The following PLA2G4E variants were observed in gnomAD, a reference collection of about 807,000 sequenced individuals.
PLA2G4E encodes the protein cytosolic phospholipase A2 epsilon.
PLA2G4E carries 84 observed loss-of-function variants against 109.1 expected under a neutral mutation model. That is an observed-to-expected ratio of 0.77 (90% confidence interval 0.65 to 0.92). The LOEUF (loss-of-function observed/expected upper bound fraction) is 0.92, where lower values mean the gene tolerates loss of function less well. PLA2G4E is among the 40% of genes least tolerant of loss of function. PLA2G4E has a pLI of 0.00. For synonymous variants in PLA2G4E, 469 were observed against 436.1 expected, an observed-to-expected ratio of 1.08 and a Z score of -0.94; for missense variants, 1,057 against 1,076.6, an observed-to-expected ratio of 0.98 and a Z score of 0.25.
chr15:42,018,581 G>A (rs994172359), intron 1 of PLA2G4E, among the ~76,000 whole-genome samples: 4 of 152,140 alleles, frequency 2.6e-5, no homozygotes, highest in African/African-American at 9.7e-5. Context: ...GAACTGTTTG[G>A]CAAACAGTAC....
intron 1 of PLA2G4E, among the ~76,000 whole-genome samples, chr15:42,037,838 C>T (rs1889245351): frequency 6.6e-6 from 1 of 152,246 alleles, no homozygotes; most frequent in Non-Finnish European, 1.5e-5. Context: ...CCTGGAGCTG[C>T]CCACCTCACT....
chr15:42,048,221 C>CTA (rs1487244184), intron 1 of PLA2G4E, among the ~76,000 whole-genome samples: 2 of 152,188 alleles, frequency 1.3e-5, no homozygotes, highest in African/African-American at 2.4e-5. Flanking sequence ...GAGCAAAAGG[C>CTA]TACACCATAT....
chr15:42,002,594 C>A, intron 6 of PLA2G4E, 60 bp downstream of exon 6: 1 of 1,499,234 alleles, frequency 6.7e-7, no homozygotes. Context: ...GGTCCTGTTC[C>A]CCTGAGAGCA....
At chr15:42,020,112 C>T (rs1399627675) in intron 1 of PLA2G4E, among the ~76,000 whole-genome samples, 1 of 152,232 alleles carries the variant, frequency 6.6e-6, no homozygotes, top group Non-Finnish European at 1.5e-5. Context: ...CCACCACCCA[C>T]CACGGAGCTC....
intron 1 of PLA2G4E, among the ~76,000 whole-genome samples, chr15:42,015,630 G>A (rs1162491777): frequency 6.6e-6 from 1 of 152,236 alleles, no homozygotes; most frequent in African/African-American, 2.4e-5. Context: ...TGAATACTAG[G>A]CAGAGACAGA....
intron 4 of PLA2G4E, 61 bp downstream of exon 4, chr15:42,005,929 T>C (rs2141048265): frequency 6.4e-7 from 1 of 1,564,854 alleles, no homozygotes; most frequent in East Asian, 2.3e-5. Context: ...TTTGTGGGAA[T>C]CAGCAACAGC....
chr15:41,994,368 G>A (rs1021524834), intron 12 of PLA2G4E, among the ~76,000 whole-genome samples: 7 of 152,166 alleles, frequency 4.6e-5, no homozygotes, highest in Non-Finnish European at 7.3e-5. Context: ...TTGCTCACAC[G>A]GGGGCTACCC....
intron 2 of PLA2G4E, among the ~76,000 whole-genome samples, chr15:42,013,334 GGGCAAAGCGGGTGCTCTT>G (rs2068556195): frequency 1.3e-5 from 2 of 152,318 alleles, no homozygotes; most frequent in East Asian, 3.9e-4. Context: ...TGCTCCGTGT[GGGCAAAGCGGGTGCTCTT>G]GGAAATCGAT....
intron 1 of PLA2G4E, among the ~76,000 whole-genome samples, chr15:42,025,816 A>G (rs1436989037): frequency 1.3e-5 from 2 of 152,240 alleles, no homozygotes; most frequent in Non-Finnish European, 2.9e-5. Context: ...TGGACCATTC[A>G]TTATTGGAAA....
intron 6 of PLA2G4E, among the ~76,000 whole-genome samples, chr15:42,002,420 G>A (rs1020771492): frequency 6.6e-6 from 1 of 152,088 alleles, no homozygotes; most frequent in Non-Finnish European, 1.5e-5. Context: ...GGGATATGAA[G>A]TGCTCGGCCA....
At chr15:42,042,488 T>A (rs1008815988) in intron 1 of PLA2G4E, among the ~76,000 whole-genome samples, 1 of 152,214 alleles carries the variant, frequency 6.6e-6, no homozygotes, top group African/African-American at 2.4e-5. Flanking sequence ...ATAAAGTTGC[T>A]CTTTAAATAA....
chr15:41,987,321 G>A (rs755042730), exon 17 of PLA2G4E: 1 of 1,613,976 alleles, frequency 6.2e-7, no homozygotes, highest in South Asian at 1.1e-5. Context: ...CACTACCGTG[G>A]TCTCCAGGAT....
Position 41,983,979 on chromosome 15 carries a change from G to A in PLA2G4E, c.2387-5C>T, listed in dbSNP as rs761829110. 11 of 1,596,828 alleles carry A rather than the reference G, an allele frequency of 6.9e-6. No homozygotes were observed. The highest frequency in any genetic ancestry group is 4.5e-5 in the East Asian group (2 of 44,470). On this transcript the variant is annotated splice_region_variant and splice_polypyrimidine_tract_variant and intron_variant, in intron 19 of 19. Transcript: ENST00000399518. Reference sequence around the variant, plus strand: ...CCTCAGGGCTTCGCTCTACACCTGTGGGCAGCAGGATGACTTGTTATAGAC... The same window carrying A: ...CCTCAGGGCTTCGCTCTACACCTGTAGGCAGCAGGATGACTTGTTATAGAC...
At chr15:42,034,841 TA>T (rs1889180481) in intron 1 of PLA2G4E, among the ~76,000 whole-genome samples, 1 of 152,246 alleles carries the variant, frequency 6.6e-6, no homozygotes, top group African/African-American at 2.4e-5. Context: ...CTGAAGCCTA[TA>T]TGCCCCTTGG....
intron 1 of PLA2G4E, among the ~76,000 whole-genome samples, chr15:42,026,479 G>A (rs2068693923): frequency 6.6e-6 from 1 of 152,146 alleles, no homozygotes; most frequent in South Asian, 2.1e-4. Flanking sequence ...AAATAAAAAT[G>A]AAAATGAGAT....
intron 3 of PLA2G4E, among the ~76,000 whole-genome samples, chr15:42,007,041 T>C (rs998933843): frequency 1.3e-5 from 2 of 152,218 alleles, no homozygotes; most frequent in African/African-American, 4.8e-5. Flanking sequence ...CTTGAAAAGA[T>C]ACGTCACGTA....
intron 5 of PLA2G4E, among the ~76,000 whole-genome samples, chr15:42,003,769 A>C (rs2068444134): frequency 6.6e-6 from 1 of 152,220 alleles, no homozygotes; most frequent in Admixed American, 6.5e-5. Flanking sequence ...TCACAAGCAT[A>C]GGGGGCTCAG....
At chr15:41,998,959 A>G (rs2068382770) in intron 10 of PLA2G4E, 1 of 152,284 alleles carries the variant, frequency 6.6e-6, no homozygotes, top group Admixed American at 6.5e-5. Flanking sequence ...AGGCTGAGGC[A>G]GGAGAATCGC....
At chr15:42,040,712 G>A (rs2141076476) in intron 1 of PLA2G4E, among the ~76,000 whole-genome samples, 1 of 152,284 alleles carries the variant, frequency 6.6e-6, no homozygotes, top group African/African-American at 2.4e-5. Flanking sequence ...ATATAAACAG[G>A]CAATTAATGG....
Sources: gnomAD v4.1 joint callset for allele counts (sites outside exome capture counted in the v4.1 genomes callset) on GRCh38, gnomAD v4.1.1 for gene constraint, MANE v1.5 for transcripts, NCBI Gene and HGNC (gene_info 2026-07-23, HGNC 2026-07-21) for gene names.